FSTL5: variants seen among roughly 807,000 people sequenced by gnomAD.
The protein encoded by FSTL5 is follistatin-related protein 5.
In FSTL5, 62 loss-of-function variants were observed where a neutral mutation model predicts 89.1. That is an observed-to-expected ratio of 0.70 (90% CI 0.57 to 0.86). The LOEUF is 0.86. FSTL5 is among the 40% of genes least tolerant of loss of function. The pLI, the probability that FSTL5 is intolerant of heterozygous loss-of-function variation, is 0.00. For missense variants in FSTL5, 1,057 were observed against 1,001.6 expected, an observed-to-expected ratio of 1.06 and a Z score of -0.75; for synonymous variants, 383 against 346.2, an observed-to-expected ratio of 1.11 and a Z score of -1.18.
intron 6 of FSTL5, among the ~76,000 whole-genome samples, chr4:161,686,854 G>A (rs1207394828): frequency 1.1e-4 from 17 of 151,974 alleles, no homozygotes; most frequent in Admixed American, 1.1e-3. Context: ...AGTAGAATAT[G>A]TGAAACAAAT....
chr4:161,976,145 C>G (rs1470839278), intron 3 of FSTL5, among the ~76,000 whole-genome samples: 2 of 147,798 alleles, frequency 1.4e-5, no homozygotes, highest in African/African-American at 5.0e-5. Flanking sequence ...AAAAAGATTA[C>G]CTCCAAGCAT....
chr4:161,725,796 A>T (rs191575994), intron 6 of FSTL5, among the ~76,000 whole-genome samples: 2 of 152,326 alleles, frequency 1.3e-5, no homozygotes, highest in East Asian at 3.9e-4. Flanking sequence ...ATATTAGTTC[A>T]TTTATTTTCC....
intron 6 of FSTL5, among the ~76,000 whole-genome samples, chr4:161,741,883 A>C (rs777757405): frequency 1.3e-5 from 2 of 151,876 alleles, no homozygotes; most frequent in African/African-American, 2.4e-5. Context: ...AGACGGTTTC[A>C]CCACGTTGCC....
intron 10 of FSTL5, among the ~76,000 whole-genome samples, chr4:161,510,928 GTA>G (rs1730631366): frequency 6.6e-6 from 1 of 152,076 alleles, no homozygotes; most frequent in Admixed American, 6.6e-5. Context: ...TTTTTAAAGA[GTA>G]TATGTTTTTA....
At chr4:161,667,673 C>T (rs1158332092) in intron 6 of FSTL5, among the ~76,000 whole-genome samples, 1 of 151,968 alleles carries the variant, frequency 6.6e-6, no homozygotes, top group African/African-American at 2.4e-5. Flanking sequence ...TTTAACTTTC[C>T]CAACTGCCCT....
intron 6 of FSTL5, among the ~76,000 whole-genome samples, chr4:161,728,716 G>A (rs1224286354): frequency 1.3e-5 from 2 of 152,062 alleles, no homozygotes; most frequent in Non-Finnish European, 2.9e-5. Flanking sequence ...AATTTTGGGT[G>A]TAATTAAGAT....
intron 8 of FSTL5, among the ~76,000 whole-genome samples, chr4:161,550,845 G>C (rs901067686): frequency 6.6e-6 from 1 of 151,466 alleles, no homozygotes; most frequent in Non-Finnish European, 1.5e-5. Context: ...TTGGTTTTTT[G>C]TTCTTGCGAT....
chr4:161,557,480 C>T (rs72687529), intron 8 of FSTL5, among the ~76,000 whole-genome samples: 1 of 151,468 alleles, frequency 6.6e-6, no homozygotes, highest in African/African-American at 2.4e-5. Flanking sequence ...ACAGGCATTA[C>T]CATAGATAAT....
intron 6 of FSTL5, among the ~76,000 whole-genome samples, chr4:161,710,029 C>T (rs13434509): frequency 0.023 from 3,561 of 152,050 alleles, 131 homozygotes; most frequent in African/African-American, 0.08. Context: ...AGTGTAGCGG[C>T]GTGATCATGG....
At chr4:161,977,270 A>G (rs912998795) in intron 3 of FSTL5, among the ~76,000 whole-genome samples, 1 of 152,150 alleles carries the variant, frequency 6.6e-6, no homozygotes, top group African/African-American at 2.4e-5. Flanking sequence ...TTCAAAATTC[A>G]TTTAAATGGT....
intron 7 of FSTL5, among the ~76,000 whole-genome samples, chr4:161,640,456 AG>A (rs1363022934): frequency 6.6e-6 from 1 of 152,206 alleles, no homozygotes; most frequent in African/African-American, 2.4e-5. Context: ...GCATCCATAA[AG>A]AATTAGGAAA....
At chr4:161,399,332 A>C (rs1731104347) in intron 15 of FSTL5, among the ~76,000 whole-genome samples, 1 of 152,154 alleles carries the variant, frequency 6.6e-6, no homozygotes, top group Non-Finnish European at 1.5e-5. Context: ...ATTAACACAT[A>C]TTTTGTATGT....
chr4:161,838,102 A>G (rs994403266), intron 4 of FSTL5, among the ~76,000 whole-genome samples: 5 of 152,196 alleles, frequency 3.3e-5, no homozygotes, highest in African/African-American at 1.2e-4. Context: ...ATGAATAATA[A>G]TGATAGATAA....
At chr4:162,064,242 T>C (rs1738815050) in intron 2 of FSTL5, among the ~76,000 whole-genome samples, 1 of 152,028 alleles carries the variant, frequency 6.6e-6, no homozygotes, top group African/African-American at 2.4e-5. Context: ...AAAAATAACC[T>C]TTGGTACCTG....
intron 6 of FSTL5, among the ~76,000 whole-genome samples, chr4:161,679,653 A>C (rs969433554): frequency 4.6e-5 from 7 of 151,898 alleles, no homozygotes; most frequent in African/African-American, 1.7e-4. Flanking sequence ...GTTAATAGGC[A>C]TTTATTGAAT....
intron 1 of FSTL5, among the ~76,000 whole-genome samples, chr4:162,126,997 G>C (rs1018557019): frequency 2.0e-5 from 3 of 151,974 alleles, no homozygotes; most frequent in African/African-American, 4.8e-5. Context: ...TGACTGTCGT[G>C]GTTTTTTTAA....
chr4:162,024,383 C>G (rs1737202638), intron 3 of FSTL5, among the ~76,000 whole-genome samples: 1 of 150,828 alleles, frequency 6.6e-6, no homozygotes, highest in South Asian at 2.1e-4. Context: ...GATATTTTGT[C>G]TTTACTTTTT....
At chr4:161,869,297 A>G (rs1468644584) in intron 4 of FSTL5, among the ~76,000 whole-genome samples, 1 of 152,230 alleles carries the variant, frequency 6.6e-6, no homozygotes, top group Non-Finnish European at 1.5e-5. Flanking sequence ...TAAGATACTC[A>G]GTGGGTGATA....
At chr4:161,503,935 C>A (rs189252849) in intron 11 of FSTL5, among the ~76,000 whole-genome samples, 34 of 151,906 alleles carry the variant, frequency 2.2e-4, no homozygotes, top group African/African-American at 7.9e-4. Context: ...CACATTTTTT[C>A]TTGTATTATT....
Sources: allele counts gnomAD v4.1 joint callset (sites outside exome capture counted in the v4.1 genomes callset), GRCh38; gene constraint gnomAD v4.1.1; transcripts MANE v1.5; gene names NCBI Gene and HGNC (gene_info 2026-07-23, HGNC 2026-07-21).